PRR5: variants seen among roughly 807,000 people sequenced by gnomAD.
The protein encoded by PRR5 is proline-rich protein 5.
A neutral mutation model predicts 30.6 loss-of-function variants in PRR5; 25 were observed. The ratio of observed to expected loss-of-function variants is 0.82; its 90% CI spans 0.60 to 1.14. The LOEUF (loss-of-function observed/expected upper bound fraction) is 1.14, where lower values mean the gene tolerates loss of function less well. Ranked by LOEUF, PRR5 falls within the 50% of genes most tolerant of loss-of-function variation. The probability of loss-of-function intolerance (pLI) is 0.00; values close to 1 mark genes in which losing one functional copy is unlikely to be tolerated. For missense variants in PRR5, 600 were observed against 547.1 expected, an observed-to-expected ratio of 1.10 and a Z score of -0.96; for synonymous variants, 286 against 247.1, an observed-to-expected ratio of 1.16 and a Z score of -1.48.
chr22:44,716,786 G>A (rs996212319), intron 2 of PRR5, among the ~76,000 whole-genome samples: 1 of 152,152 alleles, frequency 6.6e-6, no homozygotes, highest in Non-Finnish European at 1.5e-5. Context: ...ATTAGCCTGG[G>A]CACAGTGGCT....
Position 44,725,309 on chromosome 22 carries a change from C to G in PRR5, c.264+17C>G. 1 of 1,612,508 alleles carries G rather than the reference C, an allele frequency of 6.2e-7. No individual in the cohort carries two copies. Among genetic ancestry groups the G allele is most frequent in the Non-Finnish European group, 8.5e-7 (1 of 1,179,910 alleles). On this transcript the variant is annotated intron_variant, in intron 3 of 7. Transcript: ENST00000336985. ...TACCTGCAGGTAGGTGGGTCTTGCT[C>G]CAGCCAGGCTGGGCCTGCCTCATGA... is the stretch of plus-strand genomic sequence containing the variant.
upstream of PRR5, among the ~76,000 whole-genome samples, chr22:44,698,466 T>C (rs923215603): frequency 6.6e-6 from 1 of 152,162 alleles, no homozygotes; most frequent in Admixed American, 6.5e-5. Context: ...TTGTCTCTCA[T>C]TTCCTTAACA....
At chr22:44,710,790 T>C (rs544486866) in intron 1 of PRR5, among the ~76,000 whole-genome samples, 73 of 152,138 alleles carry the variant, frequency 4.8e-4, no homozygotes, top group African/African-American at 1.7e-3. Context: ...GTTAGGTGAC[T>C]GAGAAGCCAC....
intron 1 of PRR5, among the ~76,000 whole-genome samples, chr22:44,704,869 A>G (rs1323468030): frequency 6.6e-6 from 1 of 152,202 alleles, no homozygotes; most frequent in East Asian, 1.9e-4. Context: ...AACTGGCTTC[A>G]CCAGCCAAGT....
intron 1 of PRR5, among the ~76,000 whole-genome samples, chr22:44,680,185 C>G (rs116977708): frequency 6.6e-6 from 1 of 152,190 alleles, no homozygotes; most frequent in African/African-American, 2.4e-5. Context: ...TCACAGGGTC[C>G]AGGGTTCAAG....
intron 7 of PRR5, 81 bp downstream of exon 7, chr22:44,735,243 C>T: frequency 1.4e-6 from 2 of 1,446,030 alleles, no homozygotes; most frequent in Non-Finnish European, 9.3e-7. Context: ...CAAGCCGAGG[C>T]CCCACGACAG....
At position 44,736,985 on chromosome 22, in the gene PRR5, G is replaced by T. The variant is rs773758546; in HGVS notation, c.905G>T (p.Gly302Val). ...PQGFSDPPGQGPTGTFRSSPA... is the reference protein window; with the variant it reads ...PQGFSDPPGQVPTGTFRSSPA... ...GGCTTCTCCGACCCGCCCGGCCAGGGCCCCACCGGGACCTTCAGGTCCTCC... is the reference window on the plus strand; with the variant it reads ...GGCTTCTCCGACCCGCCCGGCCAGGTCCCCACCGGGACCTTCAGGTCCTCC... Residue 302 changes from glycine (G) to valine (V), a missense_variant, in exon 8 of 8, where the codon GGC becomes GTC. Physicochemically the swap from Gly to Val is moderately radical, Grantham distance 109 (BLOSUM62 -3). Transcript: ENST00000336985. The T allele has an allele frequency of 1.9e-6, 3 of 1,600,536 alleles. No homozygotes were observed. Among genetic ancestry groups the T allele is most frequent in the Admixed American group, 3.4e-5 (2 of 59,686 alleles).
At chr22:44,707,789 C>T (rs565931520) in intron 1 of PRR5, among the ~76,000 whole-genome samples, 10 of 152,218 alleles carry the variant, frequency 6.6e-5, no homozygotes, top group Non-Finnish European at 1.2e-4. Context: ...CCAACACAGA[C>T]CCCTCCATGT....
At chr22:44,729,480 G>T in intron 4 of PRR5, 1 of 985,630 alleles carries the variant, frequency 1.0e-6, no homozygotes, top group Non-Finnish European at 1.2e-6. Context: ...AAGGTACGGC[G>T]CGCACACACC....
intron 2 of PRR5, among the ~76,000 whole-genome samples, chr22:44,720,534 AC>A: frequency 6.6e-6 from 1 of 152,166 alleles, no homozygotes; most frequent in East Asian, 1.9e-4. Context: ...AATGAGGGGA[AC>A]CCAGGTGCTG....
At chr22:44,732,876 GCA>G (rs1231439311) in intron 6 of PRR5, among the ~76,000 whole-genome samples, 29 of 134,654 alleles carry the variant, frequency 2.2e-4, no homozygotes, top group African/African-American at 4.6e-4. Flanking sequence ...ACTACACACT[GCA>G]CACACACACC....
intron 2 of PRR5, among the ~76,000 whole-genome samples, chr22:44,724,214 T>A (rs1378139170): frequency 6.6e-6 from 1 of 152,092 alleles, no homozygotes. Flanking sequence ...GGCGGGTGGA[T>A]CACTTGAGGT....
At chr22:44,708,149 G>A (rs1171507147) in intron 1 of PRR5, among the ~76,000 whole-genome samples, 1 of 152,032 alleles carries the variant, frequency 6.6e-6, no homozygotes, top group African/African-American at 2.4e-5. Flanking sequence ...GCAGTGAGCC[G>A]AGAACACGCC....
intron 4 of PRR5, chr22:44,729,677 G>T: frequency 1.0e-6 from 1 of 985,488 alleles, no homozygotes; most frequent in Non-Finnish European, 1.2e-6. Context: ...GCCCCCACAG[G>T]ACAGGCCCCG....
In PRR5 at chr22:44,714,624, C is replaced by T; in HGVS notation, c.168C>T (p.Arg56=). The T allele has an allele frequency of 6.2e-7, 1 of 1,613,738 alleles. No homozygotes were observed. The highest frequency in any genetic ancestry group is 8.5e-7 in the Non-Finnish European group (1 of 1,180,004). The change falls in exon 2 of 8, where the codon CGC becomes CGT. Residue 56 remains arginine, a synonymous_variant. Coordinates refer to ENST00000336985, the MANE Select transcript of PRR5 (RefSeq NM_181333.4). ...ACGGGGTGATCGCCGTCTTCCAGCG[C>T]AAGGGGCTGCCCGACCAGGAGCTCT... The part of the protein sequence containing the change: ...IHNGVIAVFQ[R]KGLPDQELFS...
chr22:44,677,451 A>T (rs539957829), intron 1 of PRR5, among the ~76,000 whole-genome samples: 1 of 152,310 alleles, frequency 6.6e-6, no homozygotes, highest in African/African-American at 2.4e-5. Context: ...CCCTGATGTG[A>T]CACAGTGCTG....
At chr22:44,724,383 T>C (rs1930370054) in intron 2 of PRR5, among the ~76,000 whole-genome samples, 1 of 151,874 alleles carries the variant, frequency 6.6e-6, no homozygotes, top group Non-Finnish European at 1.5e-5. Context: ...ACCTCTAGGT[T>C]GAGATTGTGC....
chr22:44,686,660 T>C (rs534332172), intron 1 of PRR5, among the ~76,000 whole-genome samples: 1 of 152,106 alleles, frequency 6.6e-6, no homozygotes, highest in African/African-American at 2.4e-5. Context: ...GGATTACAGG[T>C]GTACACCACC....
chr22:44,717,428 A>G (rs1404888852), intron 2 of PRR5, among the ~76,000 whole-genome samples: 1 of 151,796 alleles, frequency 6.6e-6, no homozygotes, highest in Non-Finnish European at 1.5e-5. Context: ...CTGACCTCAG[A>G]TGATCCACCC....
Sources: allele counts gnomAD v4.1 joint callset (sites outside exome capture counted in the v4.1 genomes callset), GRCh38; gene constraint gnomAD v4.1.1; transcripts MANE v1.5; gene names NCBI Gene and HGNC (gene_info 2026-07-23, HGNC 2026-07-21).